Variants in LRMDA observed in about 807,000 individuals in gnomAD.
LRMDA encodes the protein leucine rich melanocyte differentiation associated.
A neutral mutation model predicts 29.8 loss-of-function variants in LRMDA; 18 were observed. The observed-to-expected ratio is 0.60, with a 90% CI of 0.42 to 0.90. LRMDA has a LOEUF of 0.90. Among genes scored for constraint, LRMDA ranks in the 40% least tolerant of loss-of-function variants. The pLI is 0.00. For missense variants in LRMDA, 273 were observed against 273.9 expected, an observed-to-expected ratio of 1.00 and a Z score of 0.02; for synonymous variants, 125 against 109.4, an observed-to-expected ratio of 1.14 and a Z score of -0.89.
intron 2 of LRMDA, among the ~76,000 whole-genome samples, chr10:75,460,357 A>G (rs948752481): frequency 6.6e-6 from 1 of 152,310 alleles, no homozygotes; most frequent in African/African-American, 2.4e-5. Flanking sequence ...ATAATTTAAA[A>G]GTTAAATTCA....
intron 5 of LRMDA, among the ~76,000 whole-genome samples, chr10:76,114,801 G>A (rs1159953866): frequency 6.6e-6 from 1 of 152,220 alleles, no homozygotes; most frequent in Admixed American, 6.5e-5. Context: ...CGCTGCAAAA[G>A]TCAACAGCAC....
intron 5 of LRMDA, among the ~76,000 whole-genome samples, chr10:76,298,027 G>A (rs1314327929): frequency 6.6e-6 from 1 of 152,200 alleles, no homozygotes; most frequent in Non-Finnish European, 1.5e-5. Flanking sequence ...CCTGTTGTAC[G>A]TAACCTCTCC....
At chr10:75,945,398 A>G (rs1846459947) in intron 2 of LRMDA, among the ~76,000 whole-genome samples, 1 of 151,940 alleles carries the variant, frequency 6.6e-6, no homozygotes, top group Non-Finnish European at 1.5e-5. Flanking sequence ...TTCTGGGATC[A>G]CTCCCTTCAC....
intron 6 of LRMDA, among the ~76,000 whole-genome samples, chr10:76,454,755 T>A (rs1187218622): frequency 6.6e-6 from 1 of 152,078 alleles, no homozygotes; most frequent in East Asian, 1.9e-4. Flanking sequence ...CTATTTGTAA[T>A]CTCCTGACTT....
rs367581041 is a variant in LRMDA at position 76,445,709 on chromosome 10, C to T, written c.602-111500C>T. ...CCTTGGGTAATATCTTATTCCATTC[C>T]TGCCAAGGATCAAATTTAAGACTTG... On this transcript the variant is annotated intron_variant, in intron 6 of 6. Coordinates refer to ENST00000611255, the MANE Select transcript of LRMDA (RefSeq NM_001305581.2). 1.1e-4 allele frequency among the ~76,000 whole-genome samples: 16 copies of T among 152,294 alleles called. No individual in the cohort carries two copies. In the East Asian group the frequency reaches 2.7e-3, roughly 26 times the overall value.
intron 5 of LRMDA, among the ~76,000 whole-genome samples, chr10:76,305,581 G>A (rs1235118497): frequency 1.3e-5 from 2 of 152,188 alleles, no homozygotes; most frequent in African/African-American, 2.4e-5. Flanking sequence ...TGGGCACAGG[G>A]TAGTGTTTCT....
At chr10:75,922,144 G>A (rs189290548) in intron 2 of LRMDA, among the ~76,000 whole-genome samples, 8 of 152,168 alleles carry the variant, frequency 5.3e-5, no homozygotes, top group Admixed American at 3.9e-4. Flanking sequence ...AAGTCATGGC[G>A]TCTGTTTCAT....
intron 6 of LRMDA, among the ~76,000 whole-genome samples, chr10:76,430,012 T>C (rs955104455): frequency 1.3e-5 from 2 of 152,388 alleles, no homozygotes; most frequent in Non-Finnish European, 2.9e-5. Flanking sequence ...ATTTCCATAC[T>C]TTATAAAAGC....
intron 2 of LRMDA, among the ~76,000 whole-genome samples, chr10:75,649,045 G>A (rs577391842): frequency 1.1e-4 from 16 of 152,192 alleles, no homozygotes; most frequent in Admixed American, 4.6e-4. Context: ...GCAATCATCA[G>A]CACCATCCAT....
At chr10:75,578,504 A>G (rs1042843853) in intron 2 of LRMDA, among the ~76,000 whole-genome samples, 7 of 152,080 alleles carry the variant, frequency 4.6e-5, no homozygotes, top group Non-Finnish European at 1.0e-4. Flanking sequence ...ACAGAAAATT[A>G]ACAAGGATAT....
At chr10:76,269,989 G>A (rs1227569562) in intron 5 of LRMDA, among the ~76,000 whole-genome samples, 1 of 152,106 alleles carries the variant, frequency 6.6e-6, no homozygotes, top group Non-Finnish European at 1.5e-5. Context: ...ATTCACTCAA[G>A]CCACTCACCT....
chr10:76,034,584 A>G (rs1481527678), intron 2 of LRMDA, among the ~76,000 whole-genome samples: 2 of 152,094 alleles, frequency 1.3e-5, no homozygotes, highest in African/African-American at 4.8e-5. Flanking sequence ...ACACATTTTT[A>G]TACCTCGTAA....
intron 6 of LRMDA, among the ~76,000 whole-genome samples, chr10:76,401,707 C>T (rs1168297983): frequency 1.3e-5 from 2 of 152,144 alleles, no homozygotes; most frequent in Non-Finnish European, 2.9e-5. Context: ...AGGATCTGTA[C>T]TTGCTGCATA....
At chr10:75,559,456 C>A (rs371556891) in intron 2 of LRMDA, among the ~76,000 whole-genome samples, 1 of 151,400 alleles carries the variant, frequency 6.6e-6, no homozygotes, top group Non-Finnish European at 1.5e-5. Context: ...GAGTAGGTTG[C>A]GAAAATTTTC....
chr10:75,495,882 G>A (rs1364320551), intron 2 of LRMDA, among the ~76,000 whole-genome samples: 2 of 152,200 alleles, frequency 1.3e-5, no homozygotes, highest in African/African-American at 4.8e-5. Context: ...GGAAAGACAG[G>A]CCCTTCCACT....
intron 3 of LRMDA, among the ~76,000 whole-genome samples, chr10:76,040,165 C>A (rs1460743404): frequency 1.3e-5 from 2 of 152,138 alleles, no homozygotes; most frequent in African/African-American, 2.4e-5. Flanking sequence ...AAAGGAGCGG[C>A]AATCATTGTA....
chr10:75,633,497 T>A (rs1046547162), intron 2 of LRMDA, among the ~76,000 whole-genome samples: 2 of 152,252 alleles, frequency 1.3e-5, no homozygotes, highest in African/African-American at 4.8e-5. Context: ...ATTTTGTAAG[T>A]CAAGTTTAGT....
intron 2 of LRMDA, among the ~76,000 whole-genome samples, chr10:76,030,277 T>C (rs1021915727): frequency 6.6e-5 from 10 of 152,172 alleles, no homozygotes; most frequent in African/African-American, 2.4e-4. Flanking sequence ...TATATATGTA[T>C]GGCTATGTGA....
chr10:76,035,443 GAA>G (rs113540060), intron 2 of LRMDA, among the ~76,000 whole-genome samples: 112 of 148,346 alleles, frequency 7.5e-4, no homozygotes, highest in African/African-American at 2.6e-3. Flanking sequence ...AAAGGCAGAG[GAA>G]AAAAAAAAGT....
Sources: gnomAD v4.1 joint callset for allele counts (sites outside exome capture counted in the v4.1 genomes callset) on GRCh38, gnomAD v4.1.1 for gene constraint, MANE v1.5 for transcripts, NCBI Gene and HGNC (gene_info 2026-07-23, HGNC 2026-07-21) for gene names.